Variants in MGAT5 observed in about 807,000 individuals in gnomAD.
MGAT5 encodes alpha-1,6-mannosylglycoprotein 6-beta-N-acetylglucosaminyltransferase.
In MGAT5, 30 loss-of-function variants were observed where a neutral mutation model predicts 94.3. That is an observed-to-expected ratio of 0.32 (90% CI 0.24 to 0.43). MGAT5 has a LOEUF of 0.43. Among genes scored for constraint, MGAT5 ranks in the 20% least tolerant of loss-of-function variants. MGAT5 has a pLI of 1.00. For missense variants in MGAT5, 691 were observed against 905.5 expected, an observed-to-expected ratio of 0.76 and a Z score of 3.04; for synonymous variants, 310 against 322.9, an observed-to-expected ratio of 0.96 and a Z score of 0.43.
At chr2:134,215,656 A>G (rs1356013893) in intron 1 of MGAT5, among the ~76,000 whole-genome samples, 1 of 152,230 alleles carries the variant, frequency 6.6e-6, no homozygotes, top group Non-Finnish European at 1.5e-5. Flanking sequence ...ACACATTGCA[A>G]CTGAAGTCAG....
intron 1 of MGAT5, among the ~76,000 whole-genome samples, chr2:134,121,038 C>T (rs933053497): frequency 6.6e-6 from 1 of 152,086 alleles, no homozygotes; most frequent in African/African-American, 2.4e-5. Context: ...AACTTCCTGC[C>T]GAGTCGTGAG....
At chr2:134,200,873 A>T (rs10176747) in intron 1 of MGAT5, among the ~76,000 whole-genome samples, 25,667 of 152,040 alleles carry the variant, frequency 0.17, 2,957 homozygotes, top group Non-Finnish European at 0.25. Context: ...AAAATAAAAA[A>T]AATTAGCCCA....
chr2:134,432,876 A>T (rs932190421), intron 14 of MGAT5, among the ~76,000 whole-genome samples: 3 of 152,212 alleles, frequency 2.0e-5, no homozygotes, highest in Non-Finnish European at 4.4e-5. Flanking sequence ...CTTCGCTACG[A>T]GTTGCCGCAG....
chr2:134,245,424 T>C (rs1423216260), intron 1 of MGAT5, among the ~76,000 whole-genome samples: 2 of 152,220 alleles, frequency 1.3e-5, no homozygotes, highest in African/African-American at 2.4e-5. Flanking sequence ...GAAGATCTTA[T>C]CTGCTCCAGC....
intron 10 of MGAT5, among the ~76,000 whole-genome samples, chr2:134,395,076 C>CCT (rs1682629898): frequency 6.6e-6 from 1 of 152,186 alleles, no homozygotes; most frequent in African/African-American, 2.4e-5. Flanking sequence ...GTGTTTTCAA[C>CCT]CTACCAGCCT....
At chr2:134,347,659 G>T (rs1399046576) in intron 8 of MGAT5, among the ~76,000 whole-genome samples, 2 of 152,134 alleles carry the variant, frequency 1.3e-5, no homozygotes, top group Non-Finnish European at 2.9e-5. Context: ...ATCTAGAGAT[G>T]ATTTAAATAT....
chr2:134,437,491 G>A (rs1485003541), intron 14 of MGAT5, among the ~76,000 whole-genome samples: 2 of 152,166 alleles, frequency 1.3e-5, no homozygotes, highest in African/African-American at 2.4e-5. Context: ...TTCAGCCTTC[G>A]TGGGTCTTCA....
intron 1 of MGAT5, among the ~76,000 whole-genome samples, chr2:134,152,337 ACCG>A (rs1225902950): frequency 2.7e-4 from 36 of 135,296 alleles, no homozygotes; most frequent in African/African-American, 1.0e-3. Flanking sequence ...GGACCCGCCC[ACCG>A]CCATGGGACC....
chr2:134,249,643 T>G (rs1019981609), upstream of MGAT5, among the ~76,000 whole-genome samples: 2 of 152,254 alleles, frequency 1.3e-5, no homozygotes, highest in Admixed American at 6.5e-5. Context: ...TTCCATTTCC[T>G]CAGTTGATGC....
At chr2:134,192,159 A>G (rs1016801487) in intron 1 of MGAT5, among the ~76,000 whole-genome samples, 7 of 148,784 alleles carry the variant, frequency 4.7e-5, no homozygotes, top group Non-Finnish European at 1.0e-4. Context: ...TCCTCGCGCT[A>G]GTGGGTTCCT....
At chr2:134,417,911 G>GA (rs925129312) in intron 12 of MGAT5, among the ~76,000 whole-genome samples, 72 of 152,196 alleles carry the variant, frequency 4.7e-4, no homozygotes, top group African/African-American at 1.7e-3. Flanking sequence ...ATTCCCTCAT[G>GA]ATTTTTTAAA....
chr2:134,334,496 C>CTTTTTTTTTTTTTTTT lies in MGAT5; in HGVS notation c.574-1713_574-1698dup, dbSNP rs59933611. Among the ~76,000 whole-genome samples the CTTTTTTTTTTTTTTTT allele has an allele frequency of 5.3e-4, 18 of 34,112 alleles. 8 individuals are homozygous for CTTTTTTTTTTTTTTTT. Among genetic ancestry groups the CTTTTTTTTTTTTTTTT allele is most frequent in the African/African-American group, 2.2e-3 (18 of 8,264 alleles). 22.4% of individuals were successfully genotyped at this position (34,112 alleles called of 152,430 possible). On this transcript the variant is annotated intron_variant, in intron 4 of 15. Transcript: ENST00000281923. ...CAAATCTCTACTTTCCTTGCTCATC[C>CTTTTTTTTTTTTTTTT]TTTTTTTTTTTTTTTTTTTTTTTGC...
Position 134,412,992 on chromosome 2 carries a change from A to T in MGAT5, c.1654A>T (p.Ile552Phe). ...PKSSKNTDFF[I>F]GKPTLRELTS... ...AAGCAGCAAAAACACAGACTTTTTCATTGGCAAGCCAACTCTGAGAGAGGT... is the reference window on the plus strand; with the variant it reads ...AAGCAGCAAAAACACAGACTTTTTCTTTGGCAAGCCAACTCTGAGAGAGGT... Residue 552 changes from isoleucine to phenylalanine, a missense_variant, in exon 12 of 16, where the codon ATT becomes TTT. Physicochemically the swap from Ile to Phe is conservative, Grantham distance 21 (BLOSUM62 0). Around this residue, in one of 4 missense-constraint regions of MGAT5, gnomAD observed 260 missense variants for 347.0 expected, o/e 0.75. Coordinates refer to ENST00000281923, the MANE Select transcript of MGAT5 (RefSeq NM_002410.5). 6.2e-7 allele frequency: 1 copy of T among 1,614,168 alleles called. No individual in the cohort carries two copies. Among genetic ancestry groups the T allele is most frequent in the Non-Finnish European group, 8.5e-7 (1 of 1,180,006 alleles).
At chr2:134,413,105 T>C in intron 12 of MGAT5, 90 bp downstream of exon 12, 1 of 1,435,016 alleles carries the variant, frequency 7.0e-7, no homozygotes, top group Non-Finnish European at 9.6e-7. Flanking sequence ...TCATCTAACA[T>C]GATTGGGTGG....
intron 1 of MGAT5, among the ~76,000 whole-genome samples, chr2:134,185,050 A>C (rs1688935867): frequency 6.6e-6 from 1 of 152,146 alleles, no homozygotes; most frequent in African/African-American, 2.4e-5. Flanking sequence ...GGAAAACCAC[A>C]TATTATACGT....
intron 1 of MGAT5, among the ~76,000 whole-genome samples, chr2:134,235,727 G>GTTTT (rs111416761): frequency 1.3e-5 from 2 of 149,344 alleles, no homozygotes. Context: ...TAATAATAGG[G>GTTTT]GTTTTTTTTT....
chr2:134,390,222 A>G (rs1210927174), intron 10 of MGAT5, among the ~76,000 whole-genome samples: 1 of 152,190 alleles, frequency 6.6e-6, no homozygotes, highest in Non-Finnish European at 1.5e-5. Context: ...ATCCCCGTGG[A>G]TCATCTCGTG....
intron 1 of MGAT5, among the ~76,000 whole-genome samples, chr2:134,165,285 G>C (rs956205539): frequency 2.0e-5 from 3 of 152,188 alleles, no homozygotes; most frequent in African/African-American, 7.2e-5. Flanking sequence ...AGTCCTAGTG[G>C]GGCTGGCTCA....
intron 10 of MGAT5, among the ~76,000 whole-genome samples, chr2:134,374,834 A>T (rs1291387693): frequency 6.6e-6 from 1 of 152,182 alleles, no homozygotes; most frequent in African/African-American, 2.4e-5. Context: ...CTCTTCTAAA[A>T]ATACATAAAT....
Sources: allele counts gnomAD v4.1 joint callset (sites outside exome capture counted in the v4.1 genomes callset), GRCh38; gene constraint gnomAD v4.1.1; regional missense constraint gnomAD v4.1.1; transcripts MANE v1.5; gene names NCBI Gene and HGNC (gene_info 2026-07-23, HGNC 2026-07-21).